TPTE: variants seen among roughly 807,000 people sequenced by gnomAD.
TPTE encodes transmembrane phosphatase with tensin homology.
TPTE carries 59 observed loss-of-function variants against 84.1 expected under a neutral mutation model. The ratio of observed to expected loss-of-function variants is 0.70; its 90% CI spans 0.57 to 0.87. The LOEUF is 0.87. Ranked by LOEUF, TPTE falls within the 40% of genes least tolerant of loss-of-function variation. TPTE has a pLI of 0.00. For synonymous variants in TPTE, 130 were observed against 223.5 expected (o/e 0.58, Z 3.73); for missense variants, 382 against 659.6 (o/e 0.58, Z 4.61).
intron 18 of TPTE, among the ~76,000 whole-genome samples, chr21:10,590,968 A>C (rs1424264437): frequency 6.6e-6 from 1 of 152,310 alleles, no homozygotes; most frequent in African/African-American, 2.4e-5. Context: ...CCCTCACTTC[A>C]CCTGGCCCTG....
intron 9 of TPTE, 103 bp downstream of exon 9, chr21:10,559,647 G>T (rs1285256748): frequency 2.5e-6 from 4 of 1,588,272 alleles, no homozygotes; most frequent in Middle Eastern, 4.6e-4. Flanking sequence ...GCCGAGGCGG[G>T]CGGATCACAT....
chr21:10,537,880 CA>C (rs1211258901), intron 3 of TPTE, among the ~76,000 whole-genome samples: 12 of 152,414 alleles, frequency 7.9e-5, no homozygotes, highest in East Asian at 5.8e-4. Context: ...AATGGAAAAA[CA>C]AAAAACTTTG....
intron 10 of TPTE, among the ~76,000 whole-genome samples, chr21:10,562,813 G>A (rs1346762373): frequency 6.6e-6 from 1 of 152,302 alleles, no homozygotes; most frequent in African/African-American, 2.4e-5. Context: ...TGGCCTTAAA[G>A]AGGAGGTGGG....
intron 7 of TPTE, among the ~76,000 whole-genome samples, chr21:10,550,044 A>G: frequency 6.6e-6 from 1 of 152,426 alleles, no homozygotes; most frequent in Middle Eastern, 3.4e-3. Flanking sequence ...TCTTTCAGCC[A>G]AGAATATTAT....
chr21:10,602,782 G>GA (rs1978724220), intron 22 of TPTE: 1 of 517,916 alleles, frequency 1.9e-6, no homozygotes, highest in African/African-American at 1.9e-5. Context: ...CTAGAAGGGG[G>GA]AGCCATCCAG....
intron 7 of TPTE, among the ~76,000 whole-genome samples, chr21:10,547,920 G>GGA (rs1452899542): frequency 2.0e-5 from 3 of 152,304 alleles, no homozygotes; most frequent in African/African-American, 7.2e-5. Context: ...CTCCCAAGTG[G>GGA]GAGAGGCCCC....
At chr21:10,596,798 C>T (rs1224640142) in intron 20 of TPTE, among the ~76,000 whole-genome samples, 5 of 152,428 alleles carry the variant, frequency 3.3e-5, no homozygotes, top group African/African-American at 9.6e-5. Flanking sequence ...CTGGTGTCCA[C>T]ACAGACAGCC....
At chr21:10,544,952 T>A (rs1311053606) in intron 7 of TPTE, among the ~76,000 whole-genome samples, 1 of 152,304 alleles carries the variant, frequency 6.6e-6, no homozygotes, top group Non-Finnish European at 1.5e-5. Context: ...ATTACAAACA[T>A]CTAAAACCTC....
rs12627379 is a variant in TPTE, at chr21:10,605,416, G to A, written c.1521-1G>A. 45 of 1,605,186 alleles carry A rather than the reference G, an allele frequency of 2.8e-5. No individual in the cohort carries two copies. The highest frequency in any genetic ancestry group is 3.4e-5 in the Non-Finnish European group (40 of 1,176,102). On this transcript the variant is annotated splice_acceptor_variant, in intron 23 of 23. Coordinates refer to ENST00000618007, the MANE Select transcript of TPTE (RefSeq NM_199261.4). LOFTEE classifies it high-confidence loss of function. ...ATGTAATAATTTTTTTCTATTCTTA[G>A]GCTTTATCTACCAAAAAATGAATTG...
chr21:10,568,166 C>T (rs1182211589), intron 11 of TPTE, among the ~76,000 whole-genome samples: 1 of 152,312 alleles, frequency 6.6e-6, no homozygotes, highest in Admixed American at 6.5e-5. Flanking sequence ...TTAATATCTG[C>T]TATATCAAAA....
At chr21:10,551,252 C>T (rs1284461599) in intron 7 of TPTE, among the ~76,000 whole-genome samples, 1 of 130,134 alleles carries the variant, frequency 7.7e-6, no homozygotes, top group East Asian at 2.2e-4. Context: ...CACTCAGACA[C>T]AGGAAGGGGG....
At chr21:10,560,943 C>G in intron 9 of TPTE, 87 bp from the exon 10 acceptor site, 1 of 1,472,128 alleles carries the variant, frequency 6.8e-7, no homozygotes, top group Non-Finnish European at 9.1e-7. Context: ...GGTACCTGAT[C>G]AGTGGCTTAA....
Position 10,541,135 on chromosome 21 carries a change from G to T in TPTE, c.35G>T (p.Gly12Val). 1 of 1,613,362 alleles carries T rather than the reference G, an allele frequency of 6.2e-7. No homozygotes were observed. The highest frequency in any genetic ancestry group is 8.5e-7 in the Non-Finnish European group (1 of 1,179,358). ...NESPDPTDLA[G>V]VIIELGPNDS... ...AGTCCTGATCCGACTGACCTGGCGGGAGTCATCATTGAGCTCGGCCCCAAT... is the reference window on the plus strand; with the variant it reads ...AGTCCTGATCCGACTGACCTGGCGGTAGTCATCATTGAGCTCGGCCCCAAT... Residue 12 changes from glycine (G) to valine (V), a missense_variant, in exon 5 of 24, where the codon GGA becomes GTA. By Grantham distance (109) the Gly-to-Val change is moderately radical (BLOSUM62 -3). Transcript: ENST00000618007.
At chr21:10,539,863 A>G (rs2074335692) in intron 4 of TPTE, among the ~76,000 whole-genome samples, 2 of 152,296 alleles carry the variant, frequency 1.3e-5, no homozygotes, top group South Asian at 2.1e-4. Flanking sequence ...TACAAAATTA[A>G]CCGGGTGTGG....
chr21:10,542,359 T>C (rs1458786565), intron 5 of TPTE, 36 bp from the exon 6 acceptor site: 1 of 1,606,596 alleles, frequency 6.2e-7, no homozygotes, highest in Admixed American at 1.7e-5. Flanking sequence ...CAGAATTATG[T>C]CTCCTCTCTG....
chr21:10,522,990 C>T (rs1427351562), intron 1 of TPTE, among the ~76,000 whole-genome samples: 1 of 152,304 alleles, frequency 6.6e-6, no homozygotes. Context: ...GCCCCCAAGT[C>T]CTATCAACCT....
At chr21:10,566,054 T>C (rs1399539007) in intron 10 of TPTE, among the ~76,000 whole-genome samples, 1 of 152,304 alleles carries the variant, frequency 6.6e-6, no homozygotes, top group Non-Finnish European at 1.5e-5. Flanking sequence ...AGGAAACGAT[T>C]AGCAAAGTGA....
intron 4 of TPTE, among the ~76,000 whole-genome samples, chr21:10,540,348 C>T (rs2074346523): frequency 6.6e-6 from 1 of 152,308 alleles, no homozygotes. Flanking sequence ...TTCTAGAGTC[C>T]TCTCAGAATG....
chr21:10,557,913 C>T (rs192464916), intron 8 of TPTE, among the ~76,000 whole-genome samples: 395 of 152,250 alleles, frequency 2.6e-3, no homozygotes, highest in Admixed American at 0.023. Flanking sequence ...CTCCTGCCCT[C>T]CCCACTTAAG....
Sources: allele counts gnomAD v4.1 joint callset (sites outside exome capture counted in the v4.1 genomes callset), GRCh38; gene constraint gnomAD v4.1.1; transcripts MANE v1.5; gene names NCBI Gene and HGNC (gene_info 2026-07-23, HGNC 2026-07-21).